Variants in RBFOX1 observed in about 807,000 individuals in gnomAD.
The protein encoded by RBFOX1 is RNA binding fox-1 homolog 1.
RBFOX1 carries 8 observed loss-of-function variants against 57.7 expected under a neutral mutation model. That is an observed-to-expected ratio of 0.14 (90% confidence interval 0.08 to 0.25). RBFOX1 has a LOEUF of 0.25. RBFOX1 is among the 10% of genes least tolerant of loss of function. RBFOX1 has a pLI of 1.00. For synonymous variants in RBFOX1, 326 were observed against 222.4 expected (o/e 1.47, Z -4.15); for missense variants, 611 against 548.5 (o/e 1.11, Z -1.14).
chr16:5,254,062 C>T (rs1175570761), intron 1 of RBFOX1, among the ~76,000 whole-genome samples: 2 of 152,232 alleles, frequency 1.3e-5, no homozygotes, highest in African/African-American at 4.8e-5. Flanking sequence ...ACTGTGAGGG[C>T]CAGGTCCATG....
chr16:6,662,171 A>G (rs2098705809), intron 3 of RBFOX1, among the ~76,000 whole-genome samples: 1 of 152,142 alleles, frequency 6.6e-6, no homozygotes, highest in Admixed American at 6.5e-5. Context: ...CAAAGGATAC[A>G]AACCCTCATC....
chr16:6,826,236 G>A (rs1334548432), intron 3 of RBFOX1, among the ~76,000 whole-genome samples: 1 of 152,164 alleles, frequency 6.6e-6, no homozygotes, highest in East Asian at 1.9e-4. Flanking sequence ...AACAGACTGA[G>A]TGTGGTGCCT....
chr16:7,520,972 C>A (rs1159498885), intron 5 of RBFOX1, among the ~76,000 whole-genome samples: 1 of 152,302 alleles, frequency 6.6e-6, no homozygotes, highest in East Asian at 1.9e-4. Context: ...ATGATCTTTA[C>A]CTCTTGTAAC....
chr16:7,300,579 T>C (rs1238517529), intron 4 of RBFOX1, among the ~76,000 whole-genome samples: 2 of 151,604 alleles, frequency 1.3e-5, no homozygotes, highest in Non-Finnish European at 2.9e-5. Flanking sequence ...AACTGGAGTC[T>C]TGCTTGCTCT....
At chr16:5,400,232 C>T (rs143130992) in intron 1 of RBFOX1, among the ~76,000 whole-genome samples, 2 of 152,022 alleles carry the variant, frequency 1.3e-5, no homozygotes, top group African/African-American at 4.8e-5. Flanking sequence ...ACTGGGATTA[C>T]AGGTGCTTGC....
rs1168449932 is a variant in RBFOX1, at chr16:7,224,127, T to TAAAAAAAA, written c.27+172051_27+172058dup. Among the ~76,000 whole-genome samples, 15 of 52,264 alleles carry TAAAAAAAA rather than the reference T, an allele frequency of 2.9e-4. 1 individual carries two copies. Among genetic ancestry groups the TAAAAAAAA allele is most frequent in the African/African-American group, 6.9e-4 (9 of 12,988 alleles). The allele number at this position is 52,264 out of a possible 152,430, so 34.3% of individuals were successfully genotyped here. On this transcript the variant is annotated intron_variant, in intron 4 of 15. Transcript: ENST00000550418. ...TTTCTATCCTGATTCTTCCTTTTTC[T>TAAAAAAAA]AAAAAAAAAAAAAAAAAAAAAAAAA... is the stretch of plus-strand genomic sequence containing the variant.
intron 3 of RBFOX1, among the ~76,000 whole-genome samples, chr16:6,780,221 A>ATATATATATTTT (rs2080556354): frequency 1.4e-5 from 1 of 72,044 alleles, no homozygotes; most frequent in Non-Finnish European, 2.2e-5. Flanking sequence ...ATATATATTT[A>ATATATATATTTT]TATATATATT....
At chr16:7,609,054 C>A (rs1029397754) in intron 10 of RBFOX1, among the ~76,000 whole-genome samples, 3 of 152,282 alleles carry the variant, frequency 2.0e-5, no homozygotes, top group Admixed American at 2.0e-4. Context: ...TGCAAAGCTG[C>A]AAGGAAATCA....
intron 4 of RBFOX1, among the ~76,000 whole-genome samples, chr16:5,932,800 C>G (rs1307430551): frequency 6.6e-6 from 1 of 152,076 alleles, no homozygotes; most frequent in Non-Finnish European, 1.5e-5. Flanking sequence ...TCCCACGTGA[C>G]CTCGGGTGCT....
intron 2 of RBFOX1, among the ~76,000 whole-genome samples, chr16:6,549,961 G>T (rs1329807833): frequency 6.6e-6 from 1 of 152,124 alleles, no homozygotes; most frequent in African/African-American, 2.4e-5. Flanking sequence ...GGCTGGCTTT[G>T]CTTTTACAGT....
intron 3 of RBFOX1, among the ~76,000 whole-genome samples, chr16:5,701,762 AC>A (rs959405239): frequency 2.6e-5 from 4 of 152,166 alleles, no homozygotes; most frequent in African/African-American, 9.7e-5. Flanking sequence ...TGACCATCTT[AC>A]CAGAGGCATT....
intron 4 of RBFOX1, among the ~76,000 whole-genome samples, chr16:7,191,396 G>A (rs1163218840): frequency 6.6e-6 from 1 of 151,456 alleles, no homozygotes; most frequent in African/African-American, 2.4e-5. Flanking sequence ...ACAATACACT[G>A]TGACAAATGG....
intron 4 of RBFOX1, among the ~76,000 whole-genome samples, chr16:7,309,134 G>A (rs1270561777): frequency 6.6e-6 from 1 of 152,194 alleles, no homozygotes; most frequent in African/African-American, 2.4e-5. Context: ...TAGAAGAAAG[G>A]TCCCTCAGTC....
chr16:6,912,048 G>C (rs1296348250), intron 3 of RBFOX1, among the ~76,000 whole-genome samples: 1 of 152,222 alleles, frequency 6.6e-6, no homozygotes, highest in African/African-American at 2.4e-5. Flanking sequence ...CCATTTCTTT[G>C]AGAGAGAAGT....
rs1224636960 is a variant in RBFOX1, at chr16:7,294,792, GA to G, written c.28-223354del. ...TGATGAATATGATGATGATGATGAT[GA>G]TGATGATGACAGTGGTGATTTTGTA... On this transcript the variant is annotated intron_variant, in intron 4 of 15. Coordinates refer to ENST00000550418, the MANE Select transcript of RBFOX1 (RefSeq NM_018723.4). Among the ~76,000 whole-genome samples the G allele has an allele frequency of 1.1e-4, 17 of 152,232 alleles. No individual in the cohort carries two copies. In the Middle Eastern group the frequency reaches 0.01, roughly 91 times the overall value.
chr16:5,761,350 T>C (rs1390668663), intron 3 of RBFOX1, among the ~76,000 whole-genome samples: 1 of 152,220 alleles, frequency 6.6e-6, no homozygotes, highest in Non-Finnish European at 1.5e-5. Flanking sequence ...GATCTGGCCT[T>C]GCTGTTTGGT....
chr16:7,423,614 G>A (rs1262392799), intron 4 of RBFOX1, among the ~76,000 whole-genome samples: 1 of 152,098 alleles, frequency 6.6e-6, no homozygotes, highest in African/African-American at 2.4e-5. Flanking sequence ...GTGGGCACAG[G>A]GGAGTGGTTT....
At chr16:6,365,641 C>A (rs2089467731) in intron 2 of RBFOX1, among the ~76,000 whole-genome samples, 1 of 152,084 alleles carries the variant, frequency 6.6e-6, no homozygotes, top group African/African-American at 2.4e-5. Context: ...ACCACTTCAC[C>A]AATTCTTCTA....
At chr16:7,053,303 C>G (rs767823437) in intron 4 of RBFOX1, among the ~76,000 whole-genome samples, 2 of 152,176 alleles carry the variant, frequency 1.3e-5, no homozygotes, top group Non-Finnish European at 2.9e-5. Flanking sequence ...TACCCACTTT[C>G]CTCCAAGTAC....
Sources: allele counts gnomAD v4.1 joint callset (sites outside exome capture counted in the v4.1 genomes callset), GRCh38; gene constraint gnomAD v4.1.1; transcripts MANE v1.5; gene names NCBI Gene and HGNC (gene_info 2026-07-23, HGNC 2026-07-21).